The following SCML2 variants were observed in gnomAD, a reference collection of about 807,000 sequenced individuals.
SCML2 encodes the protein Scm polycomb group protein like 2.
In SCML2, 6 loss-of-function variants were observed where a neutral mutation model predicts 48.4. The ratio of observed to expected loss-of-function variants is 0.12; its 90% confidence interval spans 0.07 to 0.24. SCML2 has a LOEUF of 0.24. Ranked by LOEUF, SCML2 falls within the 10% of genes least tolerant of loss-of-function variation. The probability of loss-of-function intolerance (pLI) is 1.00; values close to 1 mark genes in which losing one functional copy is unlikely to be tolerated. For missense variants in SCML2, 377 were observed against 528.2 expected (o/e 0.71, Z 2.81); for synonymous variants, 181 against 189.5 (o/e 0.95, Z 0.37).
Position 18,265,669 on chromosome X carries a change from T to G in SCML2, c.864A>C (p.Pro288=), listed in dbSNP as rs1210103238. The G allele has an allele frequency of 8.3e-7, 1 of 1,211,057 alleles. No individual in the cohort carries two copies. ...TTTTGGGGACTGCAGTAGGTCCAGG[T>G]GGTTTAATTCGACTTGATCTCCTGA... ...QQVRRSSRIK[P]PGPTAVPKRS... is the part of the protein sequence containing the mutation. The change falls in exon 8 of 15, where the codon CCA becomes CCC. Residue 288 remains proline (P), a synonymous_variant. Transcript: ENST00000251900.
intron 1 of SCML2, among the ~76,000 whole-genome samples, chrX:18,353,177 G>A (rs754895807): frequency 1.9e-5 from 2 of 107,553 alleles, no homozygotes; most frequent in South Asian, 4.0e-4. Context: ...AAGCACATTC[G>A]TAATTGGAAA....
At chrX:18,299,466 T>C (rs767896814) in intron 7 of SCML2, among the ~76,000 whole-genome samples, 2 of 108,689 alleles carry the variant, frequency 1.8e-5, no homozygotes, top group Admixed American at 2.0e-4. Context: ...TGCAGTGAGC[T>C]GAGATCGCGC....
intron 13 of SCML2, among the ~76,000 whole-genome samples, chrX:18,244,481 T>C (rs1056888677): frequency 4.5e-5 from 5 of 112,118 alleles, no homozygotes; most frequent in Non-Finnish European, 9.4e-5. Context: ...TAAAATTTTA[T>C]ATTAAAAATA....
At chrX:18,309,688 T>C (rs1298504743) in intron 6 of SCML2, among the ~76,000 whole-genome samples, 1 of 111,906 alleles carries the variant, frequency 8.9e-6, no homozygotes, top group Non-Finnish European at 1.9e-5. Context: ...ATGCTGCATG[T>C]TCTCACTTAC....
intron 7 of SCML2, among the ~76,000 whole-genome samples, chrX:18,269,314 T>C (rs1927368608): frequency 9.0e-6 from 1 of 111,264 alleles, no homozygotes; most frequent in Non-Finnish European, 1.9e-5. Context: ...GTTCTCGTGA[T>C]AGTAAGAGAG....
Position 18,324,920 on chromosome X carries a change from T to C in SCML2, c.149A>G (p.Glu50Gly). 1 of 1,201,195 alleles carries C rather than the reference T, an allele frequency of 8.3e-7. No homozygotes were observed. Among genetic ancestry groups the C allele is most frequent in the Non-Finnish European group, 1.1e-6 (1 of 886,977 alleles). Residue 50 changes from glutamate to glycine, a missense_variant, in exon 4 of 15, where the codon GAG becomes GGG. Transcript: ENST00000251900. ...ATCTTGGCATACCTGACGGAAGCAC[T>C]CTGAAGGAGCACTTATAGACCCAGT... is the stretch of plus-strand genomic sequence containing the variant. ...KETGSISAPS[E>G]CFRQSQIPPV...
At chrX:18,283,771 GAAAGA>G (rs1927947769) in intron 7 of SCML2, among the ~76,000 whole-genome samples, 4 of 111,739 alleles carry the variant, frequency 3.6e-5, no homozygotes, top group African/African-American at 1.3e-4. Flanking sequence ...AAACACTGCA[GAAAGA>G]AATTAGAGAT....
At chrX:18,353,939 G>A (rs1930453869) in intron 1 of SCML2, among the ~76,000 whole-genome samples, 1 of 112,875 alleles carries the variant, frequency 8.9e-6, no homozygotes, top group African/African-American at 3.2e-5. Flanking sequence ...AGGCCGCGAG[G>A]CCGCCTCTCC....
chrX:18,354,033 G>A (rs1384763852), intron 1 of SCML2, among the ~76,000 whole-genome samples: 1 of 112,136 alleles, frequency 8.9e-6, no homozygotes, highest in Non-Finnish European at 1.9e-5. Context: ...GCACCGCTAG[G>A]GTGAGCCACC....
chrX:18,255,185 C>T (rs1281730785), intron 11 of SCML2, among the ~76,000 whole-genome samples: 1 of 111,992 alleles, frequency 8.9e-6, no homozygotes, highest in Admixed American at 9.4e-5. Flanking sequence ...CTAACAGCTA[C>T]CTTTTATTGC....
chrX:18,311,791 G>GTTTTGT (rs111243177), intron 6 of SCML2, among the ~76,000 whole-genome samples: 22,577 of 110,349 alleles, frequency 0.2, 1,870 homozygotes, highest in Middle Eastern at 0.3. Flanking sequence ...TTTTTTGTTT[G>GTTTTGT]TTTTGTTTTT....
At chrX:18,301,708 T>C (rs369765146) in intron 7 of SCML2, among the ~76,000 whole-genome samples, 4 of 110,245 alleles carry the variant, frequency 3.6e-5, no homozygotes, top group Admixed American at 9.7e-5. Flanking sequence ...ACCTGGAGAG[T>C]TGAAGCTGCA....
chrX:18,342,661 G>A (rs925945409), intron 1 of SCML2, among the ~76,000 whole-genome samples: 1 of 107,110 alleles, frequency 9.3e-6, no homozygotes, highest in Middle Eastern at 4.3e-3. Context: ...GTAGTGAGCC[G>A]AGATCATGCC....
rs775348514 is a variant in SCML2 at position 18,335,394 on chromosome X, T to G, written c.-24-1299A>C. On this transcript the variant is annotated intron_variant, in intron 1 of 14. Transcript: ENST00000251900. The stretch of plus-strand genomic sequence containing the variant: ...TGGTACATGCCTGTAGTCTCAGCTA[T>G]TCAGGAGGCTGAGGTGGGAAAATCA... 4.5e-5 allele frequency among the ~76,000 whole-genome samples: 5 copies of G among 111,042 alleles called. No individual in the cohort carries two copies. In the East Asian group the frequency reaches 1.1e-3, roughly 25 times the overall value.
intron 7 of SCML2, among the ~76,000 whole-genome samples, chrX:18,280,939 T>C (rs1927812625): frequency 8.9e-6 from 1 of 112,258 alleles, no homozygotes; most frequent in African/African-American, 3.2e-5. Flanking sequence ...TAGTGTTAGA[T>C]CACTGAAGCA....
chrX:18,299,396 T>C (rs189251610), intron 7 of SCML2, among the ~76,000 whole-genome samples: 102 of 110,081 alleles, frequency 9.3e-4, no homozygotes, highest in African/African-American at 3.2e-3. Context: ...CACACGCCTG[T>C]AGTACCAACT....
chrX:18,287,680 T>C (rs906922565), intron 7 of SCML2, among the ~76,000 whole-genome samples: 3 of 111,915 alleles, frequency 2.7e-5, no homozygotes, highest in African/African-American at 9.7e-5. Flanking sequence ...GAAAATCTAA[T>C]TTAGTAAAAT....
At chrX:18,280,309 A>C (rs1439369267) in intron 7 of SCML2, among the ~76,000 whole-genome samples, 1 of 111,938 alleles carries the variant, frequency 8.9e-6, no homozygotes, top group Non-Finnish European at 1.9e-5. Context: ...AGACAAGCAA[A>C]TGCTGAGAGA....
At chrX:18,301,601 G>A (rs757065060) in intron 7 of SCML2, among the ~76,000 whole-genome samples, 49 of 110,387 alleles carry the variant, frequency 4.4e-4, no homozygotes, top group Admixed American at 4.1e-3. Flanking sequence ...GTTAGACCCC[G>A]TCTCTACCAA....
Sources: allele counts gnomAD v4.1 joint callset (sites outside exome capture counted in the v4.1 genomes callset), GRCh38; gene constraint gnomAD v4.1.1; transcripts MANE v1.5; gene names NCBI Gene and HGNC (gene_info 2026-07-23, HGNC 2026-07-21).